EYS: variants seen among roughly 807,000 people sequenced by gnomAD.
EYS encodes EGF-like photoreceptor maintenance factor.
A neutral mutation model predicts 282.1 loss-of-function variants in EYS; 250 were observed. That is an observed-to-expected ratio of 0.89 (90% CI 0.80 to 0.98). The LOEUF is 0.98. Among genes scored for constraint, EYS ranks in the 50% least tolerant of loss-of-function variants. The pLI, the probability that EYS is intolerant of heterozygous loss-of-function variation, is 0.00. For missense variants in EYS, 4,016 were observed against 3,709.0 expected (o/e 1.08, Z -2.15); for synonymous variants, 1,355 against 1,282.9 (o/e 1.06, Z -1.20).
intron 36 of EYS, chr6:63,821,126 T>C (rs544470767): frequency 6.6e-6 from 1 of 151,908 alleles, no homozygotes; most frequent in Admixed American, 6.6e-5. Context: ...AGTTTTATAA[T>C]TTTCTACATA....
chr6:65,206,284 A>G (rs1766031720), intron 12 of EYS, among the ~76,000 whole-genome samples: 1 of 151,882 alleles, frequency 6.6e-6, no homozygotes, highest in South Asian at 2.1e-4. Flanking sequence ...AAACTAGAAA[A>G]CTTAAAGGAT....
chr6:65,534,485 T>C (rs1379228514), intron 2 of EYS, among the ~76,000 whole-genome samples: 1 of 151,942 alleles, frequency 6.6e-6, no homozygotes, highest in Non-Finnish European at 1.5e-5. Context: ...TATATGAAAG[T>C]AGAGCTCTGA....
chr6:65,053,485 A>C (rs1435778459), intron 13 of EYS, among the ~76,000 whole-genome samples: 2 of 151,860 alleles, frequency 1.3e-5, no homozygotes, highest in Admixed American at 6.6e-5. Flanking sequence ...TATATAAAAA[A>C]GATAGACATC....
intron 30 of EYS, among the ~76,000 whole-genome samples, chr6:64,294,966 G>A (rs972402688): frequency 1.3e-5 from 2 of 152,108 alleles, no homozygotes; most frequent in African/African-American, 4.8e-5. Flanking sequence ...CATTTTTGAT[G>A]TGTAAGACCA....
intron 24 of EYS, among the ~76,000 whole-genome samples, chr6:64,616,312 A>G (rs1767273740): frequency 6.6e-6 from 1 of 152,174 alleles, no homozygotes; most frequent in South Asian, 2.1e-4. Context: ...GTATCAGAGC[A>G]TCTGATATTT....
At position 65,588,251 on chromosome 6, in the gene EYS, C is replaced by G. The variant is rs1043455028; in HGVS notation, c.-333+51527G>C. Among the ~76,000 whole-genome samples, 27 of 152,028 alleles carry G rather than the reference C, an allele frequency of 1.8e-4. 1 individual carries two copies. Among genetic ancestry groups the G allele is most frequent in the African/African-American group, 6.3e-4 (26 of 41,418 alleles). ...CTGTGTCATAAACCTCTATCCACCT[C>G]ATTTAACATTTTTACTGATTTTTTT... On this transcript the variant is annotated intron_variant, in intron 2 of 42. Coordinates refer to ENST00000503581, the MANE Select transcript of EYS (RefSeq NM_001142800.2).
intron 29 of EYS, among the ~76,000 whole-genome samples, chr6:64,318,794 T>G (rs1270085616): frequency 6.6e-6 from 1 of 151,818 alleles, no homozygotes; most frequent in East Asian, 1.9e-4. Flanking sequence ...ATATAGTAGG[T>G]ATAGATATTT....
In EYS at chr6:63,737,298, G is replaced by A. The variant is rs1224715286; in HGVS notation, c.8072-10618C>T. Among the ~76,000 whole-genome samples the A allele has an allele frequency of 5.3e-5, 8 of 152,256 alleles. No individual in the cohort carries two copies. The South Asian group carries it at 1.0e-3, about 20-fold the overall frequency. On this transcript the variant is annotated intron_variant, in intron 41 of 42. Transcript: ENST00000503581. Reference sequence around the variant, plus strand: ...ATTTATTGAGAGTTTTTAGCATGAAGTGTTGTTGAATTTTGTCAAAGGCCT... The same window carrying A: ...ATTTATTGAGAGTTTTTAGCATGAAATGTTGTTGAATTTTGTCAAAGGCCT...
At chr6:63,727,916 A>G (rs1463010106) in intron 41 of EYS, among the ~76,000 whole-genome samples, 1 of 146,256 alleles carries the variant, frequency 6.8e-6, no homozygotes, top group Non-Finnish European at 1.5e-5. Flanking sequence ...ACGGAGTGGG[A>G]CCCTGTCGTA....
chr6:64,636,209 C>T (rs1358884950), intron 22 of EYS, among the ~76,000 whole-genome samples: 1 of 152,190 alleles, frequency 6.6e-6, no homozygotes, highest in South Asian at 2.1e-4. Context: ...GCTACAGTAA[C>T]CAAAACAGCA....
In EYS at chr6:63,900,613, G is replaced by T. The variant is rs1773635369; in HGVS notation, c.7056-36255C>A. Reference sequence around the variant, plus strand: ...GAGGAGATATCAGAGAACTTGGTGAGGAGTTAAAAGCAGGGAAAGAGTGAA... The same window carrying T: ...GAGGAGATATCAGAGAACTTGGTGATGAGTTAAAAGCAGGGAAAGAGTGAA... On this transcript the variant is annotated intron_variant, in intron 35 of 42. Coordinates refer to ENST00000503581, the MANE Select transcript of EYS (RefSeq NM_001142800.2). Among the ~76,000 whole-genome samples the T allele has an allele frequency of 2.6e-5, 4 of 152,260 alleles. No homozygotes were observed. In the South Asian group the frequency reaches 8.3e-4, roughly 32 times the overall value.
intron 29 of EYS, among the ~76,000 whole-genome samples, chr6:64,322,284 A>G (rs1770243466): frequency 6.6e-6 from 1 of 152,056 alleles, no homozygotes; most frequent in South Asian, 2.1e-4. Flanking sequence ...TAATTCAAAC[A>G]AAATCACCAT....
chr6:64,929,490 C>T (rs1441688738), intron 15 of EYS, among the ~76,000 whole-genome samples: 1 of 152,120 alleles, frequency 6.6e-6, no homozygotes, highest in African/African-American at 2.4e-5. Context: ...CAACAAGATA[C>T]TGTGCTTTCC....
At chr6:65,664,262 C>G (rs1768124851) in intron 1 of EYS, among the ~76,000 whole-genome samples, 1 of 152,092 alleles carries the variant, frequency 6.6e-6, no homozygotes, top group Admixed American at 6.5e-5. Context: ...AACGTTCAGT[C>G]TCAAATGGTA....
chr6:64,077,132 C>T (rs541917099), intron 32 of EYS, among the ~76,000 whole-genome samples: 109 of 152,060 alleles, frequency 7.2e-4, no homozygotes, highest in Admixed American at 1.9e-3. Flanking sequence ...TTACTCTTTC[C>T]TATATCTGTC....
In EYS at chr6:64,783,445, C is replaced by T. The variant is rs78309971; in HGVS notation, c.3443+29933G>A. On this transcript the variant is annotated intron_variant, in intron 22 of 42. Coordinates refer to ENST00000503581, the MANE Select transcript of EYS (RefSeq NM_001142800.2). ...AGAGGTCTTACTGCCATGGGGAAGG[C>T]GGAACTACTCTACTGCAATCAATTT... is the stretch of plus-strand genomic sequence containing the variant. Among the ~76,000 whole-genome samples the T allele has an allele frequency of 1.2e-3, 188 of 151,812 alleles. 1 individual carries two copies. In the East Asian group the frequency reaches 0.021, roughly 17 times the overall value.
chr6:64,118,234 C>A (rs961143201), intron 31 of EYS, among the ~76,000 whole-genome samples: 3 of 151,964 alleles, frequency 2.0e-5, no homozygotes, highest in African/African-American at 7.2e-5. Flanking sequence ...TTGAATAGAG[C>A]AATTCTGTGC....
chr6:64,995,654 T>C (rs1348595416), intron 14 of EYS, among the ~76,000 whole-genome samples: 2 of 152,160 alleles, frequency 1.3e-5, no homozygotes, highest in Non-Finnish European at 2.9e-5. Context: ...TGTTAAAATA[T>C]ATTTAAACCA....
intron 22 of EYS, among the ~76,000 whole-genome samples, chr6:64,662,712 G>GT (rs1769085108): frequency 6.6e-6 from 1 of 152,014 alleles, no homozygotes; most frequent in Non-Finnish European, 1.5e-5. Flanking sequence ...TAGGTTCCAG[G>GT]TTTTGTATAA....
Sources: allele counts gnomAD v4.1 joint callset (sites outside exome capture counted in the v4.1 genomes callset), GRCh38; gene constraint gnomAD v4.1.1; transcripts MANE v1.5; gene names NCBI Gene and HGNC (gene_info 2026-07-23, HGNC 2026-07-21).